The following NAA60 variants were observed in gnomAD, a reference collection of about 807,000 sequenced individuals.
NAA60 encodes N-alpha-acetyltransferase 60, NatF catalytic subunit.
Under a neutral mutation model 26.1 loss-of-function variants are expected in NAA60, and 8 were observed. The observed-to-expected ratio is 0.31, with a 90% CI of 0.18 to 0.55. The LOEUF is 0.55. NAA60 is among the 20% of genes least tolerant of loss of function. The probability of loss-of-function intolerance (pLI) is 0.93; values close to 1 mark genes in which losing one functional copy is unlikely to be tolerated. For missense variants in NAA60, 290 were observed against 311.3 expected, an observed-to-expected ratio of 0.93 and a Z score of 0.51; for synonymous variants, 131 against 122.5, an observed-to-expected ratio of 1.07 and a Z score of -0.46.
chr16:3,461,597 CA>C (rs2035398872), intron 2 of NAA60, among the ~76,000 whole-genome samples: 1 of 152,228 alleles, frequency 6.6e-6, no homozygotes, highest in African/African-American at 2.4e-5. Flanking sequence ...CATTTTGCCC[CA>C]AAATGGACTC....
At chr16:3,476,040 A>T (rs1271631182) in intron 2 of NAA60, 182 bp from the exon 3 acceptor site, 3 of 572,056 alleles carry the variant, frequency 5.2e-6, no homozygotes, top group Non-Finnish European at 9.3e-6. Flanking sequence ...CTTCCCAGCG[A>T]TGGGGGCGAC....
In NAA60 at chr16:3,485,836, G is replaced by T. The variant is rs963319369; in HGVS notation, c.*576G>T. On this transcript the variant is annotated 3_prime_UTR_variant, in exon 8 of 8. Transcript: ENST00000407558. The stretch of plus-strand genomic sequence containing the variant: ...ATGAGGGGCTGATGAGGGGTGGGCA[G>T]CCTGGGGGAGGCTTTCCTCGCAAGC... 1 of 363,678 alleles carries T rather than the reference G, an allele frequency of 2.7e-6. No homozygotes were observed. Among genetic ancestry groups the T allele is most frequent in the Non-Finnish European group, 5.4e-6 (1 of 183,748 alleles). 22.5% of individuals were successfully genotyped at this position (363,678 alleles called of 1,614,324 possible).
At chr16:3,475,530 T>C (rs981783690) in intron 2 of NAA60, among the ~76,000 whole-genome samples, 9 of 152,178 alleles carry the variant, frequency 5.9e-5, no homozygotes, top group Admixed American at 2.0e-4. Flanking sequence ...CCTTGTTAAA[T>C]AAAACAGGGG....
chr16:3,460,461 T>G (rs1253973640), intron 2 of NAA60, among the ~76,000 whole-genome samples: 1 of 151,468 alleles, frequency 6.6e-6, no homozygotes, highest in Non-Finnish European at 1.5e-5. Flanking sequence ...CCTCCCAAAC[T>G]CAAGTGATTC....
At chr16:3,473,740 GTTGTTGTTT>G (rs1269255751) in intron 2 of NAA60, among the ~76,000 whole-genome samples, 18 of 150,454 alleles carry the variant, frequency 1.2e-4, no homozygotes, top group African/African-American at 3.7e-4. Context: ...TGTTGTTGTT[GTTGTTGTTT>G]TTTGAGATGG....
chr16:3,479,944 T>C (rs978785411), intron 4 of NAA60, among the ~76,000 whole-genome samples: 1 of 152,334 alleles, frequency 6.6e-6, no homozygotes, highest in African/African-American at 2.4e-5. Context: ...TAGAAACCGC[T>C]AAGACTGCTT....
chr16:3,479,654 AGGG>A, intron 4 of NAA60, 54 bp downstream of exon 4: 1 of 1,593,406 alleles, frequency 6.3e-7, no homozygotes, highest in South Asian at 1.1e-5. Context: ...GGACGGGCCA[AGGG>A]GGCTTGCGAT....
At chr16:3,445,121 G>T (rs145601900) in intron 1 of NAA60, among the ~76,000 whole-genome samples, 2 of 152,300 alleles carry the variant, frequency 1.3e-5, no homozygotes, top group East Asian at 3.9e-4. Flanking sequence ...AGAATGGTAA[G>T]AACAAACTTG....
intron 7 of NAA60, 53 bp downstream of exon 7, chr16:3,485,114 A>G (rs1255898678): frequency 2.6e-6 from 3 of 1,145,656 alleles, no homozygotes; most frequent in South Asian, 2.7e-5. Context: ...CAGCCACAAA[A>G]GTGGAAGGCC....
At chr16:3,477,662 C>T (rs537397067) in intron 3 of NAA60, among the ~76,000 whole-genome samples, 152 of 149,774 alleles carry the variant, frequency 1.0e-3, no homozygotes, top group Middle Eastern at 6.8e-3. Context: ...TTGGGCCGGG[C>T]GCAGTGGCTC....
At chr16:3,451,827 G>T (rs991900666) in intron 2 of NAA60, among the ~76,000 whole-genome samples, 1 of 151,208 alleles carries the variant, frequency 6.6e-6, no homozygotes, top group Non-Finnish European at 1.5e-5. Context: ...CTAAGGCAGC[G>T]GAATCACTTG....
intron 2 of NAA60, chr16:3,458,240 G>T (rs2035116269): frequency 1.0e-6 from 1 of 958,660 alleles, no homozygotes; most frequent in Non-Finnish European, 1.2e-6. Context: ...CCGAGGGGGC[G>T]GGGTAGGCGG....
chr16:3,475,408 G>A (rs1158903998), intron 2 of NAA60, among the ~76,000 whole-genome samples: 11 of 151,654 alleles, frequency 7.3e-5, no homozygotes, highest in Admixed American at 3.9e-4. Context: ...TCCTTTTAAC[G>A]ACTAATTTCC....
At chr16:3,482,123 C>A (rs2036874613) in intron 4 of NAA60, among the ~76,000 whole-genome samples, 1 of 152,218 alleles carries the variant, frequency 6.6e-6, no homozygotes, top group Non-Finnish European at 1.5e-5. Flanking sequence ...TGTCCTGCAT[C>A]CAGGCCTACC....
At chr16:3,460,118 A>C (rs2035284429) in intron 2 of NAA60, among the ~76,000 whole-genome samples, 1 of 152,224 alleles carries the variant, frequency 6.6e-6, no homozygotes, top group African/African-American at 2.4e-5. Context: ...AGATAGATGC[A>C]GAGAAGAGGC....
intron 3 of NAA60, 31 bp downstream of exon 3, chr16:3,476,368 A>C: frequency 6.3e-7 from 1 of 1,575,748 alleles, no homozygotes; most frequent in South Asian, 1.1e-5. Flanking sequence ...GGTTGGGGAG[A>C]GCCCGTGAGC....
chr16:3,452,881 G>C (rs769782801), intron 2 of NAA60, among the ~76,000 whole-genome samples: 6 of 152,150 alleles, frequency 3.9e-5, no homozygotes, highest in Non-Finnish European at 5.9e-5. Flanking sequence ...CTTGAGACCA[G>C]GAGGTCGACA....
intron 2 of NAA60, among the ~76,000 whole-genome samples, chr16:3,471,560 C>T (rs2036146998): frequency 6.6e-6 from 1 of 152,096 alleles, no homozygotes; most frequent in Admixed American, 6.6e-5. Flanking sequence ...GGAAGTCATC[C>T]CTGCCCCAGG....
chr16:3,446,848 T>C (rs1410090659), intron 1 of NAA60, among the ~76,000 whole-genome samples: 2 of 151,874 alleles, frequency 1.3e-5, no homozygotes, highest in Non-Finnish European at 2.9e-5. Flanking sequence ...TGGCCTCAAG[T>C]GATCCGCCCA....
Sources: allele counts gnomAD v4.1 joint callset (sites outside exome capture counted in the v4.1 genomes callset), GRCh38; gene constraint gnomAD v4.1.1; transcripts MANE v1.5; gene names NCBI Gene and HGNC (gene_info 2026-07-23, HGNC 2026-07-21).